Variants in TP63 observed in about 807,000 individuals in gnomAD.
TP63 encodes tumor protein p63.
A neutral mutation model predicts 82.8 loss-of-function variants in TP63; 17 were observed. The ratio of observed to expected loss-of-function variants is 0.21; its 90% CI spans 0.14 to 0.31. The LOEUF (loss-of-function observed/expected upper bound fraction) is 0.31. Ranked by LOEUF, TP63 falls within the 10% of genes least tolerant of loss-of-function variation. The probability of loss-of-function intolerance (pLI) is 1.00; values close to 1 mark genes in which losing one functional copy is unlikely to be tolerated. For missense variants in TP63, 648 were observed against 895.3 expected (o/e 0.72, Z 3.52); for synonymous variants, 330 against 321.7 (o/e 1.03, Z -0.28).
At chr3:189,632,944 G>T (rs1191564640) in intron 1 of TP63, among the ~76,000 whole-genome samples, 1 of 152,062 alleles carries the variant, frequency 6.6e-6, no homozygotes, top group Non-Finnish European at 1.5e-5. Flanking sequence ...TGATGAAATA[G>T]TAACTGTGTA....
intron 13 of TP63, among the ~76,000 whole-genome samples, chr3:189,892,768 G>T (rs1259881982): frequency 6.6e-6 from 1 of 152,122 alleles, no homozygotes; most frequent in Non-Finnish European, 1.5e-5. Flanking sequence ...CTCCAGCCTG[G>T]GTGAAAGTGC....
At chr3:189,659,407 G>T (rs973103138) in intron 1 of TP63, among the ~76,000 whole-genome samples, 2 of 151,976 alleles carry the variant, frequency 1.3e-5, no homozygotes, top group East Asian at 1.9e-4. Flanking sequence ...TTATGGCTGT[G>T]TAGTATTCCA....
In TP63 at chr3:189,692,292, CCTT is replaced by C. The variant is rs527488180; in HGVS notation, c.63-45444_63-45442del. 7.6e-4 allele frequency among the ~76,000 whole-genome samples: 115 copies of C among 152,138 alleles called. 1 individual carries two copies. The highest frequency in any genetic ancestry group is 6.6e-3 in the East Asian group (34 of 5,180). ...TGTTAGAATATGTGCCTCTTGTTTT[CCTT>C]CTTTTTTCTTTTATTTTCTCCTCTT... On this transcript the variant is annotated intron_variant, in intron 1 of 13. Transcript: ENST00000264731.
chr3:189,608,522 T>C, the TP63 span, among the ~76,000 whole-genome samples: 10 of 152,272 alleles, frequency 6.6e-5, no homozygotes, highest in African/African-American at 2.2e-4. Context: ...CAGATCAAAA[T>C]TTCAGAGGAC....
Position 189,894,157 on chromosome 3 carries a change from G to A in TP63, c.1747-49G>A, listed in dbSNP as rs372790418. ...ATAGGATGCTGTGGACTAAATGTCC[G>A]TTTTTCTCCCTGTTTTCATTCTCCA... is the stretch of plus-strand genomic sequence containing the variant. On this transcript the variant is annotated intron_variant, in intron 13 of 13. Transcript: ENST00000264731. 3,580 of 1,611,744 alleles carry A rather than the reference G, an allele frequency of 2.2e-3. 8 individuals carry two copies. Among genetic ancestry groups the A allele is most frequent in the Non-Finnish European group, 2.9e-3 (3,384 of 1,178,470 alleles).
At position 189,819,768 on chromosome 3, in the gene TP63, T is replaced by TTTTC. The variant is rs1553847710; in HGVS notation, c.579+11243_579+11244insTTCT. On this transcript the variant is annotated intron_variant, in intron 4 of 13. Coordinates refer to ENST00000264731, the MANE Select transcript of TP63 (RefSeq NM_003722.5). The stretch of plus-strand genomic sequence containing the variant: ...TTACCTTTTTTTTTTTTTTTTTTTT[T>TTTTC]TGAGACAGTCTCTCACTCTGTCACT... Among the ~76,000 whole-genome samples the TTTTC allele has an allele frequency of 7.5e-5, 9 of 120,548 alleles. 1 individual carries two copies. The highest frequency in any genetic ancestry group is 1.9e-4 in the Admixed American group (2 of 10,736). The allele number at this position is 120,548 out of a possible 152,430, so 79.1% of individuals were successfully genotyped here. A position where few individuals can be genotyped will look rare whatever the true frequency, so the allele number is the denominator to read the frequency against.
chr3:189,731,341 C>T lies in TP63; in HGVS notation c.63-6399C>T, dbSNP rs1720157360. On this transcript the variant is annotated intron_variant, in intron 1 of 13. Transcript: ENST00000264731. Reference sequence around the variant, plus strand: ...GCTGAGCAAGAGAGAAAGCCTTCATCTCAAAAAAAAAGAAAAAAAAAGAAC... The same window carrying T: ...GCTGAGCAAGAGAGAAAGCCTTCATTTCAAAAAAAAAGAAAAAAAAAGAAC... 2.4e-5 allele frequency among the ~76,000 whole-genome samples: 3 copies of T among 127,234 alleles called. No individual in the cohort carries two copies. In the Admixed American group the frequency reaches 2.4e-4, roughly 10 times the overall value. The allele number at this position is 127,234 out of a possible 152,430, so 83.5% of individuals were successfully genotyped here.
chr3:189,659,841 C>A (rs905233309), intron 1 of TP63, among the ~76,000 whole-genome samples: 14 of 151,962 alleles, frequency 9.2e-5, no homozygotes, highest in African/African-American at 3.1e-4. Context: ...TTGTTGGCCA[C>A]TTGTATGTCT....
At chr3:189,606,457 G>A in the TP63 span, among the ~76,000 whole-genome samples, 1 of 150,674 alleles carries the variant, frequency 6.6e-6, no homozygotes, top group African/African-American at 2.4e-5. Flanking sequence ...TACAATGCAT[G>A]GCCCATAAAA....
At chr3:189,748,756 A>T (rs1466286710) in intron 3 of TP63, among the ~76,000 whole-genome samples, 5 of 152,114 alleles carry the variant, frequency 3.3e-5, no homozygotes, top group African/African-American at 1.2e-4. Flanking sequence ...GCAAAACTGG[A>T]GGCATCTCAC....
At chr3:189,732,022 C>T (rs1200532803) in intron 1 of TP63, among the ~76,000 whole-genome samples, 3 of 152,124 alleles carry the variant, frequency 2.0e-5, no homozygotes, top group Non-Finnish European at 2.9e-5. Flanking sequence ...TAACATAGAC[C>T]GTTAATTTTT....
chr3:189,891,254 A>AC (rs1267028302), intron 13 of TP63, among the ~76,000 whole-genome samples: 1 of 152,228 alleles, frequency 6.6e-6, no homozygotes, highest in African/African-American at 2.4e-5. Context: ...ATAGCAGGGC[A>AC]CCGGTGGTGC....
intron 4 of TP63, among the ~76,000 whole-genome samples, chr3:189,851,076 A>G (rs1413404693): frequency 1.3e-5 from 2 of 152,246 alleles, no homozygotes; most frequent in Non-Finnish European, 2.9e-5. Flanking sequence ...ATTGTTATAC[A>G]TGACTTTTAT....
At chr3:189,598,444 A>G in the TP63 span, among the ~76,000 whole-genome samples, 2 of 152,188 alleles carry the variant, frequency 1.3e-5, no homozygotes, top group Non-Finnish European at 2.9e-5. Context: ...CCATTTTTGA[A>G]AACACGTAAT....
In TP63 at chr3:189,889,466, C is replaced by T. The variant is rs1720797138; in HGVS notation, c.1634C>T (p.Thr545Ile). ...SHCTPPPPYP[T>I]DCSIVSFLAR... ...TGCACACCCCCACCTCCGTATCCCACAGATTGCAGCATTGTCAGGTGAGTC... is the reference window on the plus strand; with the variant it reads ...TGCACACCCCCACCTCCGTATCCCATAGATTGCAGCATTGTCAGGTGAGTC... The change falls in exon 12 of 14, where the codon ACA becomes ATA. Residue 545 changes from threonine to isoleucine, a missense_variant. By Grantham distance (89) the Thr-to-Ile change is moderately conservative (BLOSUM62 -1). This residue lies in a region of TP63 where 342 missense variants were observed against 425.7 expected (regional missense o/e 0.80). Coordinates refer to ENST00000264731, the MANE Select transcript of TP63 (RefSeq NM_003722.5). 1 of 1,614,094 alleles carries T rather than the reference C, an allele frequency of 6.2e-7. No homozygotes were observed. The highest frequency in any genetic ancestry group is 1.7e-5 in the Admixed American group (1 of 60,012).
chr3:189,747,623 C>A (rs1721477458), intron 3 of TP63, among the ~76,000 whole-genome samples: 1 of 151,808 alleles, frequency 6.6e-6, no homozygotes, highest in African/African-American at 2.4e-5. Context: ...ATGCCTACAC[C>A]AATAAGGTAA....
intron 1 of TP63, among the ~76,000 whole-genome samples, chr3:189,652,993 A>G (rs1713024906): frequency 6.8e-6 from 1 of 147,158 alleles, no homozygotes; most frequent in African/African-American, 2.5e-5. Flanking sequence ...AGTCTCAGGC[A>G]TGTCTTTATT....
chr3:189,726,854 G>A (rs774307176), intron 1 of TP63, among the ~76,000 whole-genome samples: 2 of 152,164 alleles, frequency 1.3e-5, no homozygotes, highest in Admixed American at 6.5e-5. Flanking sequence ...ATCTTTAAAG[G>A]TCTTTTATGT....
At chr3:189,710,338 T>G (rs1337572670) in intron 1 of TP63, among the ~76,000 whole-genome samples, 1 of 152,176 alleles carries the variant, frequency 6.6e-6, no homozygotes, top group Non-Finnish European at 1.5e-5. Context: ...GAGCTAGGAT[T>G]TGAACTCAGC....
Sources: gnomAD v4.1 joint callset for allele counts (sites outside exome capture counted in the v4.1 genomes callset) on GRCh38, gnomAD v4.1.1 for gene constraint, gnomAD v4.1.1 regional missense constraint, MANE v1.5 for transcripts, NCBI Gene and HGNC (gene_info 2026-07-23, HGNC 2026-07-21) for gene names.